The following CNTLN variants were observed in gnomAD, a reference collection of about 807,000 sequenced individuals.
The protein encoded by CNTLN is centlein, centrosomal protein.
Under a neutral mutation model 180.0 loss-of-function variants are expected in CNTLN, and 212 were observed. The ratio of observed to expected loss-of-function variants is 1.18; its 90% CI spans 1.05 to 1.32. The LOEUF (loss-of-function observed/expected upper bound fraction) is 1.32. Ranked by LOEUF, CNTLN falls within the 40% of genes most tolerant of loss-of-function variation. The pLI, the probability that CNTLN is intolerant of heterozygous loss-of-function variation, is 0.00. For missense variants in CNTLN, 2,095 were observed against 1,610.9 expected, an observed-to-expected ratio of 1.30 and a Z score of -5.14; for synonymous variants, 722 against 563.1, an observed-to-expected ratio of 1.28 and a Z score of -3.99.
At chr9:17,319,497 C>CT (rs570872661) in intron 8 of CNTLN, among the ~76,000 whole-genome samples, 1 of 152,078 alleles carries the variant, frequency 6.6e-6, no homozygotes, top group Admixed American at 6.6e-5. Flanking sequence ...TCTAGTGGGA[C>CT]TTTTTTGTGC....
At chr9:17,189,606 C>T (rs940397639) in intron 2 of CNTLN, among the ~76,000 whole-genome samples, 1 of 151,680 alleles carries the variant, frequency 6.6e-6, no homozygotes, top group African/African-American at 2.4e-5. Context: ...GTCTCATCCT[C>T]CTGAGTAGCT....
chr9:17,355,904 A>G lies in CNTLN; in HGVS notation c.1887-10713A>G, dbSNP rs2133339213. Among the ~76,000 whole-genome samples, 3 of 151,960 alleles carry G rather than the reference A, an allele frequency of 2.0e-5. No homozygotes were observed. The East Asian group carries it at 5.8e-4, about 30-fold the overall frequency. ...ATAGTGAAAGCCCGTCTCTACTAAA[A>G]ATACAAAAAATTAGCCAGGTGTGGT... On this transcript the variant is annotated intron_variant, in intron 12 of 25. Coordinates refer to ENST00000380647, the MANE Select transcript of CNTLN (RefSeq NM_017738.4).
chr9:17,166,948 T>C (rs758301913), intron 2 of CNTLN: 17 of 441,924 alleles, frequency 3.8e-5, no homozygotes, highest in Non-Finnish European at 6.4e-5. Flanking sequence ...TGAAAGAAGA[T>C]TGAGAAGACT....
the CNTLN span, among the ~76,000 whole-genome samples, chr9:17,516,065 C>A: frequency 3.9e-5 from 6 of 152,208 alleles, no homozygotes; most frequent in Non-Finnish European, 8.8e-5. Context: ...CTTTGCACTG[C>A]AGTTCTCTGT....
At chr9:17,281,519 C>A (rs1828662542) in intron 6 of CNTLN, among the ~76,000 whole-genome samples, 1 of 152,006 alleles carries the variant, frequency 6.6e-6, no homozygotes, top group Non-Finnish European at 1.5e-5. Context: ...CATTGTTCAG[C>A]TCCCACTACG....
chr9:17,416,760 C>T (rs111808612), intron 18 of CNTLN, among the ~76,000 whole-genome samples: 1,785 of 152,168 alleles, frequency 0.012, 39 homozygotes, highest in African/African-American at 0.041. Flanking sequence ...TTAACTTACA[C>T]TTTGAGATGA....
At chr9:17,360,296 T>C (rs1823265766) in intron 12 of CNTLN, among the ~76,000 whole-genome samples, 1 of 152,154 alleles carries the variant, frequency 6.6e-6, no homozygotes, top group Non-Finnish European at 1.5e-5. Context: ...ACCACTGCAG[T>C]CGGATTTTGC....
chr9:17,457,948 G>A (rs1468127773), intron 19 of CNTLN, among the ~76,000 whole-genome samples: 1 of 151,942 alleles, frequency 6.6e-6, no homozygotes, highest in Non-Finnish European at 1.5e-5. Context: ...TTTAGGAGCT[G>A]ATTTAAACTG....
intron 6 of CNTLN, among the ~76,000 whole-genome samples, chr9:17,295,309 G>A (rs942925977): frequency 1.1e-4 from 17 of 152,210 alleles, no homozygotes; most frequent in Non-Finnish European, 2.2e-4. Context: ...GGCTGCTCAA[G>A]CGCCGCCAGA....
chr9:17,342,818 G>C (rs1484162773), intron 12 of CNTLN, among the ~76,000 whole-genome samples: 2 of 152,186 alleles, frequency 1.3e-5, no homozygotes, highest in African/African-American at 4.8e-5. Flanking sequence ...AGATACATAC[G>C]CAATGCAGAA....
chr9:17,216,875 C>T (rs57968516), intron 2 of CNTLN, among the ~76,000 whole-genome samples: 1 of 152,168 alleles, frequency 6.6e-6, no homozygotes, highest in East Asian at 1.9e-4. Context: ...AGAACTGTAG[C>T]TGCCAGAATT....
Position 17,466,782 on chromosome 9 carries a change from C to G in CNTLN, c.3746C>G (p.Ser1249Cys), listed in dbSNP as rs923582235. 1 of 1,610,920 alleles carries G rather than the reference C, an allele frequency of 6.2e-7. No homozygotes were observed. The highest frequency in any genetic ancestry group is 8.5e-7 in the Non-Finnish European group (1 of 1,177,908). The change falls in exon 23 of 26, where the codon TCT (serine) becomes TGT (cysteine). Residue 1249 changes from serine (S) to cysteine (C), a missense_variant. Physicochemically the swap from Ser to Cys is moderately radical, Grantham distance 112 (BLOSUM62 -1). Coordinates refer to ENST00000380647, the MANE Select transcript of CNTLN (RefSeq NM_017738.4). ...SAMAEIETAASKQLQELALQS... is the reference protein window; with the variant it reads ...SAMAEIETAACKQLQELALQS... ...ATGGCAGAAATTGAAACAGCAGCATCTAAGCAGCTTCAAGAATTAGCATTG... is the reference window on the plus strand; with the variant it reads ...ATGGCAGAAATTGAAACAGCAGCATGTAAGCAGCTTCAAGAATTAGCATTG...
At chr9:17,484,246 C>T in intron 23 of CNTLN, 49 bp from the exon 24 acceptor site, 6 of 1,404,044 alleles carry the variant, frequency 4.3e-6, no homozygotes, top group Non-Finnish European at 5.8e-6. Context: ...ACTGCTTTGT[C>T]TTCATTATGA....
chr9:17,368,359 T>G (rs1824010799), intron 13 of CNTLN, among the ~76,000 whole-genome samples: 1 of 151,972 alleles, frequency 6.6e-6, no homozygotes, highest in Admixed American at 6.6e-5. Flanking sequence ...TTTCTAAGGT[T>G]TTTTACTCTA....
rs950095231 is a variant in CNTLN, at chr9:17,333,796, A to T, written c.1644+1066A>T. ...GCATTTAGCCTACTTGAAATTTATA[A>T]AGAACTTAGATAAACACCTAAGTTA... On this transcript the variant is annotated intron_variant, in intron 10 of 25. Coordinates refer to ENST00000380647, the MANE Select transcript of CNTLN (RefSeq NM_017738.4). Among the ~76,000 whole-genome samples the T allele has an allele frequency of 3.2e-4, 49 of 152,292 alleles. 1 individual carries two copies. The highest frequency in any genetic ancestry group is 1.2e-3 in the African/African-American group (48 of 41,570).
intron 19 of CNTLN, among the ~76,000 whole-genome samples, chr9:17,458,294 T>C (rs1831256193): frequency 1.3e-5 from 2 of 151,850 alleles, no homozygotes; most frequent in South Asian, 4.1e-4. Flanking sequence ...TTAGTTTAAA[T>C]AGAATTACTT....
intron 15 of CNTLN, among the ~76,000 whole-genome samples, chr9:17,404,581 A>C (rs983186693): frequency 2.0e-5 from 3 of 151,598 alleles, no homozygotes; most frequent in African/African-American, 7.3e-5. Flanking sequence ...AATTAGGAGG[A>C]CCATGTTTGG....
intron 19 of CNTLN, among the ~76,000 whole-genome samples, chr9:17,460,918 A>C (rs1831409578): frequency 6.6e-6 from 1 of 151,654 alleles, no homozygotes; most frequent in Non-Finnish European, 1.5e-5. Context: ...ATGCGTATTA[A>C]GGGGTAGGAT....
At chr9:17,214,966 G>C (rs201432365) in intron 2 of CNTLN, among the ~76,000 whole-genome samples, 2 of 152,076 alleles carry the variant, frequency 1.3e-5, no homozygotes, top group Non-Finnish European at 2.9e-5. Flanking sequence ...AATCTTTTTT[G>C]AAGGTTTTTA....
Sources: allele counts gnomAD v4.1 joint callset (sites outside exome capture counted in the v4.1 genomes callset), GRCh38; gene constraint gnomAD v4.1.1; transcripts MANE v1.5; gene names NCBI Gene and HGNC (gene_info 2026-07-23, HGNC 2026-07-21).